The following AFF2 variants were observed in gnomAD, a reference collection of about 807,000 sequenced individuals.
AFF2 encodes ALF transcription elongation factor 2.
A neutral mutation model predicts 76.9 loss-of-function variants in AFF2; 14 were observed. The ratio of observed to expected loss-of-function variants is 0.18; its 90% CI spans 0.12 to 0.28. AFF2 has a LOEUF of 0.28. Among genes scored for constraint, AFF2 ranks in the 10% least tolerant of loss-of-function variants. The pLI is 1.00. For synonymous variants in AFF2, 398 were observed against 366.7 expected (o/e 1.09, Z -0.98); for missense variants, 868 against 1,001.1 (o/e 0.87, Z 1.79).
intron 1 of AFF2, among the ~76,000 whole-genome samples, chrX:148,580,349 C>G (rs1471669230): frequency 9.0e-6 from 1 of 110,905 alleles, no homozygotes; most frequent in Non-Finnish European, 1.9e-5. Context: ...TGTAAAAGAA[C>G]CCCCAAGTAA....
At chrX:148,536,381 A>C (rs1213316214) in intron 1 of AFF2, among the ~76,000 whole-genome samples, 2 of 111,286 alleles carry the variant, frequency 1.8e-5, no homozygotes, top group African/African-American at 6.5e-5. Context: ...GGTTGGATTC[A>C]GTGTCCCTTG....
At chrX:148,658,923 G>T (rs2054278805) in intron 2 of AFF2, among the ~76,000 whole-genome samples, 1 of 112,039 alleles carries the variant, frequency 8.9e-6, no homozygotes, top group Non-Finnish European at 1.9e-5. Context: ...CTGTAAAAAT[G>T]TATTGAGTAT....
intron 1 of AFF2, among the ~76,000 whole-genome samples, chrX:148,562,259 T>A (rs2053121850): frequency 6.2e-5 from 7 of 112,311 alleles, no homozygotes. Context: ...CAGCCTGTGC[T>A]GTGCTGGGAG....
intron 19 of AFF2, among the ~76,000 whole-genome samples, chrX:148,985,285 C>CTTGTTTTTTTTTTT (rs2072453426): frequency 6.5e-5 from 1 of 15,383 alleles, no homozygotes; most frequent in Non-Finnish European, 1.2e-4. Context: ...TGTGCCTGGC[C>CTTGTTTTTTTTTTT]TTTTTTTTTT....
intron 3 of AFF2, among the ~76,000 whole-genome samples, chrX:148,713,669 G>A (rs1462525163): frequency 1.4e-4 from 16 of 111,754 alleles, no homozygotes; most frequent in African/African-American, 5.2e-4. Context: ...CCATTGGCAG[G>A]AATAAACTTG....
At chrX:148,574,147 A>G (rs977346782) in intron 1 of AFF2, among the ~76,000 whole-genome samples, 3 of 111,814 alleles carry the variant, frequency 2.7e-5, no homozygotes, top group Admixed American at 9.5e-5. Flanking sequence ...GGATTTAATA[A>G]CAACTAAATT....
At chrX:148,555,695 A>G (rs1171873535) in intron 1 of AFF2, among the ~76,000 whole-genome samples, 14 of 112,250 alleles carry the variant, frequency 1.2e-4, no homozygotes, top group African/African-American at 4.2e-4. Context: ...GCCAATGACT[A>G]TAGGTTTCCC....
intron 8 of AFF2, among the ~76,000 whole-genome samples, chrX:148,892,734 A>C (rs782002145): frequency 8.9e-6 from 1 of 112,263 alleles, no homozygotes; most frequent in Non-Finnish European, 1.9e-5. Flanking sequence ...TGCTGTATAG[A>C]ATACATTAGT....
At chrX:148,726,002 G>T (rs1375881842) in intron 3 of AFF2, among the ~76,000 whole-genome samples, 1 of 111,553 alleles carries the variant, frequency 9.0e-6, no homozygotes, top group African/African-American at 3.3e-5. Flanking sequence ...GGTTTTCCAA[G>T]ACCACCCAGT....
At chrX:148,750,638 C>A (rs782199452) in intron 3 of AFF2, among the ~76,000 whole-genome samples, 1 of 111,483 alleles carries the variant, frequency 9.0e-6, no homozygotes, top group African/African-American at 3.3e-5. Flanking sequence ...TCCTATGCAA[C>A]CCTGGAAAAG....
At chrX:148,776,092 G>A (rs147429756) in intron 3 of AFF2, among the ~76,000 whole-genome samples, 296 of 110,782 alleles carry the variant, frequency 2.7e-3, no homozygotes, top group African/African-American at 9.1e-3. Flanking sequence ...TCCCACTTAT[G>A]AGTGAGAACA....
chrX:148,843,311 T>A lies in AFF2; in HGVS notation c.1211-71T>A, dbSNP rs1317170261. On this transcript the variant is annotated intron_variant, in intron 6 of 20. Transcript: ENST00000370460. Reference sequence around the variant, plus strand: ...ACTCGGGGGACTGCATGTTTGGAGATCAATTTAATTCAGAATAATCATTTG... The same window carrying A: ...ACTCGGGGGACTGCATGTTTGGAGAACAATTTAATTCAGAATAATCATTTG... 3.2e-6 allele frequency: 3 copies of A among 931,041 alleles called. No homozygotes were observed. The African/African-American group carries it at 5.9e-5, about 18-fold the overall frequency. 76.7% of individuals were successfully genotyped at this position (931,041 alleles called of 1,213,427 possible). A position where few individuals can be genotyped will look rare whatever the true frequency, so the allele number is the denominator to read the frequency against.
At chrX:148,693,621 G>A (rs1271226845) in intron 3 of AFF2, among the ~76,000 whole-genome samples, 2 of 111,778 alleles carry the variant, frequency 1.8e-5, no homozygotes, top group Non-Finnish European at 3.8e-5. Context: ...GTCTTCAGTT[G>A]ACTCAACTTG....
chrX:148,939,326 A>G (rs113458603), intron 9 of AFF2, among the ~76,000 whole-genome samples: 1,172 of 112,051 alleles, frequency 0.01, 21 homozygotes, highest in African/African-American at 0.036. Context: ...GAAAGTGTTG[A>G]CATTTTCTTT....
intron 3 of AFF2, among the ~76,000 whole-genome samples, chrX:148,696,514 A>C (rs1340533619): frequency 8.9e-6 from 1 of 111,816 alleles, no homozygotes; most frequent in African/African-American, 3.3e-5. Context: ...CTTCATATAC[A>C]TAGCTCTGGT....
intron 4 of AFF2, among the ~76,000 whole-genome samples, chrX:148,824,184 G>T (rs1318617970): frequency 2.7e-5 from 3 of 110,254 alleles, no homozygotes; most frequent in Non-Finnish European, 3.8e-5. Context: ...GCAGCACTTG[G>T]ACAGCTCCAG....
chrX:148,901,175 C>A (rs2124197727), intron 8 of AFF2, among the ~76,000 whole-genome samples: 1 of 111,783 alleles, frequency 8.9e-6, no homozygotes, highest in Admixed American at 9.5e-5. Context: ...GGGTAAGTGG[C>A]AAATCTGGGA....
chrX:148,987,969 C>T (rs1557291808), intron 20 of AFF2, among the ~76,000 whole-genome samples: 2 of 111,663 alleles, frequency 1.8e-5, no homozygotes, highest in African/African-American at 6.5e-5. Context: ...ATTATTAGCT[C>T]CAGTTGAGTA....
chrX:148,580,995 C>A, intron 1 of AFF2, among the ~76,000 whole-genome samples: 1 of 53,769 alleles, frequency 1.9e-5, no homozygotes, highest in Non-Finnish European at 3.6e-5. Flanking sequence ...CAAATATATA[C>A]ATATATGCAC....
Sources: gnomAD v4.1 joint callset for allele counts (sites outside exome capture counted in the v4.1 genomes callset) on GRCh38, gnomAD v4.1.1 for gene constraint, MANE v1.5 for transcripts, NCBI Gene and HGNC (gene_info 2026-07-23, HGNC 2026-07-21) for gene names.